Variants in AKAP6 observed in about 807,000 individuals in gnomAD.
AKAP6 encodes A-kinase anchor protein 6.
In AKAP6, 58 loss-of-function variants were observed where a neutral mutation model predicts 188.5. The observed-to-expected ratio is 0.31, with a 90% CI of 0.25 to 0.38. AKAP6 has a LOEUF of 0.38. Among genes scored for constraint, AKAP6 ranks in the 10% least tolerant of loss-of-function variants. AKAP6 has a pLI of 1.00. For missense variants in AKAP6, 2,710 were observed against 2,740.0 expected (o/e 0.99, Z 0.24); for synonymous variants, 989 against 998.6 (o/e 0.99, Z 0.18).
chr14:32,750,993 C>T (rs1328313903), intron 11 of AKAP6, among the ~76,000 whole-genome samples: 2 of 152,112 alleles, frequency 1.3e-5, no homozygotes, highest in East Asian at 3.9e-4. Flanking sequence ...CTTGGCCTCT[C>T]AAAGTGCTGG....
intron 12 of AKAP6, 158 bp downstream of exon 12, chr14:32,774,051 A>AC: frequency 1.4e-6 from 1 of 698,714 alleles, no homozygotes; most frequent in South Asian, 1.8e-5. Context: ...ACTAAAGCTC[A>AC]TAGTTTTACT....
chr14:32,811,163 C>T (rs1488711892), intron 12 of AKAP6, among the ~76,000 whole-genome samples: 5 of 147,760 alleles, frequency 3.4e-5, no homozygotes, highest in South Asian at 4.4e-4. Context: ...GGCATGAACC[C>T]GGGAGGCGCA....
At chr14:32,461,001 C>T (rs894783323) in intron 2 of AKAP6, among the ~76,000 whole-genome samples, 2 of 152,196 alleles carry the variant, frequency 1.3e-5, no homozygotes, top group African/African-American at 2.4e-5. Flanking sequence ...TAGCTGTGGC[C>T]AGACCTTTTC....
rs1449895686 is a variant in AKAP6, at chr14:32,685,410, T to G, written c.2879+6951T>G. 2.0e-5 allele frequency among the ~76,000 whole-genome samples: 3 copies of G among 152,044 alleles called. No individual in the cohort carries two copies. The East Asian group carries it at 5.8e-4, about 30-fold the overall frequency. On this transcript the variant is annotated intron_variant, in intron 8 of 13. Transcript: ENST00000280979. The stretch of plus-strand genomic sequence containing the variant: ...GGAACATCTGAGCTGTCTTAAAGGA[T>G]GCATAGATTTTAGCCATTAGAAGAG...
intron 12 of AKAP6, among the ~76,000 whole-genome samples, chr14:32,808,978 A>G (rs1181761291): frequency 6.6e-6 from 1 of 152,244 alleles, no homozygotes; most frequent in Admixed American, 6.5e-5. Context: ...AACGCACATC[A>G]TAAGTCTTCA....
chr14:32,779,201 G>T (rs1173580496), intron 12 of AKAP6, among the ~76,000 whole-genome samples: 2 of 151,852 alleles, frequency 1.3e-5, no homozygotes, highest in African/African-American at 2.4e-5. Context: ...TTTGAGACCA[G>T]CCTGGGCAAC....
intron 4 of AKAP6, among the ~76,000 whole-genome samples, chr14:32,561,929 G>GA (rs1883975365): frequency 6.6e-6 from 1 of 152,214 alleles, no homozygotes; most frequent in Non-Finnish European, 1.5e-5. Flanking sequence ...AATATGGGGG[G>GA]AAATCATTTC....
chr14:32,466,889 A>G (rs1223584317), intron 2 of AKAP6, among the ~76,000 whole-genome samples: 1 of 145,976 alleles, frequency 6.9e-6, no homozygotes, highest in African/African-American at 2.6e-5. Context: ...ATATGTATAT[A>G]TATAAAAACA....
intron 6 of AKAP6, 66 bp downstream of exon 6, chr14:32,599,572 T>A: frequency 1.4e-5 from 17 of 1,191,840 alleles, no homozygotes; most frequent in Non-Finnish European, 2.1e-5. Flanking sequence ...GAAGCATTGC[T>A]GTAAATTACT....
chr14:32,524,671 A>T (rs1882030845), intron 2 of AKAP6, among the ~76,000 whole-genome samples: 3 of 152,150 alleles, frequency 2.0e-5, no homozygotes, highest in Non-Finnish European at 2.9e-5. Context: ...GCGCACAAAG[A>T]ATGTAAATTC....
At chr14:32,445,124 C>G (rs1890715435) in intron 2 of AKAP6, among the ~76,000 whole-genome samples, 1 of 152,226 alleles carries the variant, frequency 6.6e-6, no homozygotes, top group Non-Finnish European at 1.5e-5. Flanking sequence ...CCTTGAAAAT[C>G]TAGACCAGCT....
At chr14:32,506,217 A>T (rs1209862828) in intron 2 of AKAP6, among the ~76,000 whole-genome samples, 1 of 152,178 alleles carries the variant, frequency 6.6e-6, no homozygotes, top group Non-Finnish European at 1.5e-5. Context: ...CAAATGCCAT[A>T]AAGTTGTTAT....
intron 12 of AKAP6, among the ~76,000 whole-genome samples, chr14:32,814,689 TA>T (rs2034333362): frequency 6.6e-6 from 1 of 152,182 alleles, no homozygotes; most frequent in Non-Finnish European, 1.5e-5. Context: ...CAAGTCTTTT[TA>T]CTTTTTTCCT....
intron 1 of AKAP6, among the ~76,000 whole-genome samples, chr14:32,345,011 G>A (rs965377603): frequency 2.6e-5 from 4 of 152,002 alleles, no homozygotes; most frequent in Admixed American, 1.3e-4. Flanking sequence ...GAGGAGGCTT[G>A]GATGGGATTT....
intron 7 of AKAP6, among the ~76,000 whole-genome samples, chr14:32,642,354 G>A (rs896772647): frequency 5.3e-5 from 8 of 152,154 alleles, no homozygotes; most frequent in African/African-American, 1.4e-4. Context: ...CACAGTTTTT[G>A]TCAAAACAAT....
intron 12 of AKAP6, among the ~76,000 whole-genome samples, chr14:32,790,568 C>T (rs1038069965): frequency 1.3e-5 from 2 of 152,088 alleles, no homozygotes; most frequent in African/African-American, 4.8e-5. Context: ...GGCTAATGTT[C>T]AACATTCTTA....
intron 7 of AKAP6, among the ~76,000 whole-genome samples, chr14:32,642,548 C>T (rs1434913131): frequency 6.6e-6 from 1 of 152,088 alleles, no homozygotes; most frequent in Non-Finnish European, 1.5e-5. Context: ...GGGAAAATGT[C>T]CTTAAAATTA....
At chr14:32,584,186 C>T (rs1365394953) in intron 5 of AKAP6, among the ~76,000 whole-genome samples, 1 of 152,286 alleles carries the variant, frequency 6.6e-6, no homozygotes, top group Non-Finnish European at 1.5e-5. Context: ...GTGTTCCAAG[C>T]CCCACAATGG....
chr14:32,795,326 C>T (rs564527203), intron 12 of AKAP6, among the ~76,000 whole-genome samples: 1 of 152,028 alleles, frequency 6.6e-6, no homozygotes, highest in South Asian at 2.1e-4. Context: ...GGCAGAGATG[C>T]AACAAAAAAA....
Sources: gnomAD v4.1 joint callset for allele counts (sites outside exome capture counted in the v4.1 genomes callset) on GRCh38, gnomAD v4.1.1 for gene constraint, MANE v1.5 for transcripts, NCBI Gene and HGNC (gene_info 2026-07-23, HGNC 2026-07-21) for gene names.